GRID2: variants seen among roughly 807,000 people sequenced by gnomAD.
GRID2 encodes glutamate receptor ionotropic, delta-2.
In GRID2, 33 loss-of-function variants were observed where a neutral mutation model predicts 114.8. The ratio of observed to expected loss-of-function variants is 0.29; its 90% CI spans 0.22 to 0.38. GRID2 has a LOEUF of 0.38. Among genes scored for constraint, GRID2 ranks in the 10% least tolerant of loss-of-function variants. The pLI is 1.00. For missense variants in GRID2, 1,184 were observed against 1,257.7 expected (o/e 0.94, Z 0.89); for synonymous variants, 505 against 449.9 (o/e 1.12, Z -1.55).
At chr4:93,412,235 C>T (rs548054125) in intron 9 of GRID2, among the ~76,000 whole-genome samples, 15 of 150,910 alleles carry the variant, frequency 9.9e-5, no homozygotes, top group African/African-American at 2.9e-4. Context: ...CCCATCCCCC[C>T]CCCCCAAAAA....
chr4:92,934,406 T>C (rs1356825826), intron 2 of GRID2, among the ~76,000 whole-genome samples: 1 of 149,872 alleles, frequency 6.7e-6, no homozygotes, highest in African/African-American at 2.4e-5. Context: ...CTGAAGCTGC[T>C]TATCAGCTTA....
chr4:93,121,454 A>G (rs1000759267), intron 4 of GRID2, among the ~76,000 whole-genome samples: 2 of 152,202 alleles, frequency 1.3e-5, no homozygotes, highest in African/African-American at 2.4e-5. Flanking sequence ...GTTCAGCATT[A>G]TATCTGTGAG....
intron 2 of GRID2, among the ~76,000 whole-genome samples, chr4:92,803,892 G>A (rs1043953021): frequency 6.6e-5 from 10 of 152,106 alleles, no homozygotes; most frequent in African/African-American, 2.4e-4. Context: ...CAGGATGTCA[G>A]TAGAGTCATG....
intron 14 of GRID2, among the ~76,000 whole-genome samples, chr4:93,645,391 A>T (rs1722017556): frequency 6.6e-6 from 1 of 152,136 alleles, no homozygotes; most frequent in Admixed American, 6.6e-5. Flanking sequence ...TGACAAAGAA[A>T]TGACAAAGTA....
chr4:92,783,749 C>T (rs7699688), intron 2 of GRID2, among the ~76,000 whole-genome samples: 89,343 of 151,616 alleles, frequency 0.59, 27,415 homozygotes, highest in Middle Eastern at 0.77. Flanking sequence ...AGCCGAGTGC[C>T]GTACTGTGCC....
intron 2 of GRID2, among the ~76,000 whole-genome samples, chr4:92,989,437 T>G (rs901178346): frequency 1.3e-5 from 2 of 151,416 alleles, no homozygotes; most frequent in African/African-American, 4.9e-5. Flanking sequence ...GGACATGAAG[T>G]TAATGCAGCT....
At chr4:92,425,017 C>A (rs1560621540) in intron 1 of GRID2, among the ~76,000 whole-genome samples, 1 of 151,734 alleles carries the variant, frequency 6.6e-6, no homozygotes. Flanking sequence ...ATTTTTAAGG[C>A]AGTTAAATTT....
intron 9 of GRID2, among the ~76,000 whole-genome samples, chr4:93,403,174 T>A (rs1766071804): frequency 6.6e-6 from 1 of 152,118 alleles, no homozygotes; most frequent in Non-Finnish European, 1.5e-5. Flanking sequence ...GGTTCAGGAC[T>A]CCAGGCAAGA....
chr4:93,376,680 G>A (rs1469634197), intron 8 of GRID2, among the ~76,000 whole-genome samples: 1 of 152,144 alleles, frequency 6.6e-6, no homozygotes, highest in East Asian at 1.9e-4. Context: ...GGACGTGGAT[G>A]AAGCTGGAAG....
chr4:93,678,995 G>C (rs903379064), intron 14 of GRID2, among the ~76,000 whole-genome samples: 1 of 151,142 alleles, frequency 6.6e-6, no homozygotes, highest in Non-Finnish European at 1.5e-5. Flanking sequence ...ATTGGATAAA[G>C]AGTCAAGACC....
chr4:93,781,722 TAA>T (rs1204804813), intron 1 of GRID2, among the ~76,000 whole-genome samples: 1 of 152,206 alleles, frequency 6.6e-6, no homozygotes, highest in East Asian at 1.9e-4. Context: ...AAATGCTATG[TAA>T]ACAGTTGTTA....
intron 2 of GRID2, among the ~76,000 whole-genome samples, chr4:92,854,081 TTTTC>T (rs1277795902): frequency 2.0e-5 from 3 of 151,936 alleles, no homozygotes; most frequent in South Asian, 2.1e-4. Context: ...AAAATTCTTT[TTTTC>T]TTTCTTTCTT....
intron 1 of GRID2, among the ~76,000 whole-genome samples, chr4:92,548,961 C>G (rs1726432015): frequency 6.6e-6 from 1 of 151,882 alleles, no homozygotes; most frequent in Admixed American, 6.6e-5. Context: ...CCCCCATGGC[C>G]AAATCACCTC....
At chr4:93,521,938 G>A (rs1276192159) in intron 13 of GRID2, among the ~76,000 whole-genome samples, 1 of 152,158 alleles carries the variant, frequency 6.6e-6, no homozygotes, top group African/African-American at 2.4e-5. Flanking sequence ...AGGAGTTTCT[G>A]GAGTAGGATG....
In GRID2 at chr4:92,825,782, A is replaced by G. The variant is rs376263430; in HGVS notation, c.244+235496A>G. ...ATATGCAGGCCTGAAGGAATGTTCA[A>G]TAGACACCTGGACATTGTGCCATCA... On this transcript the variant is annotated intron_variant, in intron 2 of 15. Coordinates refer to ENST00000282020, the MANE Select transcript of GRID2 (RefSeq NM_001510.4). 3.9e-3 allele frequency among the ~76,000 whole-genome samples: 590 copies of G among 152,286 alleles called. 5 individuals carry two copies. The highest frequency in any genetic ancestry group is 0.03 in the South Asian group (144 of 4,828).
intron 1 of GRID2, among the ~76,000 whole-genome samples, chr4:92,550,201 G>T (rs1011831835): frequency 1.1e-4 from 16 of 152,130 alleles, no homozygotes; most frequent in African/African-American, 3.4e-4. Flanking sequence ...AAGACTTATG[G>T]TTTTTTAAAT....
chr4:92,785,294 C>T (rs886333688), intron 2 of GRID2, among the ~76,000 whole-genome samples: 1 of 151,366 alleles, frequency 6.6e-6, no homozygotes, highest in Non-Finnish European at 1.5e-5. Flanking sequence ...AAATATTCTG[C>T]AATTCCTTGA....
intron 1 of GRID2, among the ~76,000 whole-genome samples, chr4:93,779,587 A>C (rs929939895): frequency 6.6e-6 from 1 of 152,238 alleles, no homozygotes; most frequent in Non-Finnish European, 1.5e-5. Context: ...TCATATAAAT[A>C]ACATCAGAAG....
intron 14 of GRID2, among the ~76,000 whole-genome samples, chr4:93,690,291 C>G (rs1434597232): frequency 2.6e-5 from 4 of 151,974 alleles, no homozygotes; most frequent in Admixed American, 1.3e-4. Context: ...AATAAGATAA[C>G]TTCTGAGGCA....
Sources: allele counts gnomAD v4.1 joint callset (sites outside exome capture counted in the v4.1 genomes callset), GRCh38; gene constraint gnomAD v4.1.1; transcripts MANE v1.5; gene names NCBI Gene and HGNC (gene_info 2026-07-23, HGNC 2026-07-21).